The following DDX60L variants were observed in gnomAD, a reference collection of about 807,000 sequenced individuals.
DDX60L encodes DExD/H-box 60 like.
DDX60L carries 191 observed loss-of-function variants against 211.6 expected under a neutral mutation model. The ratio of observed to expected loss-of-function variants is 0.90; its 90% CI spans 0.80 to 1.02. The LOEUF (loss-of-function observed/expected upper bound fraction) is 1.02, where lower values mean the gene tolerates loss of function less well. DDX60L is among the 50% of genes least tolerant of loss of function. The pLI is 0.00. For synonymous variants in DDX60L, 706 were observed against 694.1 expected (o/e 1.02, Z -0.27); for missense variants, 2,007 against 1,984.1 (o/e 1.01, Z -0.22).
intron 27 of DDX60L, 107 bp downstream of exon 27, chr4:168,395,852 A>G (rs1745669276): frequency 1.3e-6 from 1 of 774,890 alleles, no homozygotes; most frequent in Non-Finnish European, 2.1e-6. Context: ...AGATAATCAT[A>G]TTTCAAAGGT....
At chr4:168,453,096 A>G (rs1179370209) in intron 8 of DDX60L, 28 bp downstream of exon 8, 15 of 1,590,636 alleles carry the variant, frequency 9.4e-6, no homozygotes, top group Non-Finnish European at 1.3e-5. Flanking sequence ...TCTCATGTTC[A>G]GACAAAAAAT....
At chr4:168,464,469 G>A (rs187985482) in intron 4 of DDX60L, among the ~76,000 whole-genome samples, 147 of 121,636 alleles carry the variant, frequency 1.2e-3, no homozygotes, top group Middle Eastern at 4.5e-3. Context: ...GTAGAAACAG[G>A]ATCTCACTTT....
chr4:168,472,790 A>G lies in DDX60L; in HGVS notation c.-91T>C. The G allele has an allele frequency of 1.4e-6, 2 of 1,432,324 alleles. No homozygotes were observed. Among genetic ancestry groups the G allele is most frequent in the Middle Eastern group, 1.8e-4 (1 of 5,580 alleles). 88.7% of individuals were successfully genotyped at this position (1,432,324 alleles called of 1,614,324 possible). A position where few individuals can be genotyped will look rare whatever the true frequency, so the allele number is the denominator to read the frequency against. The stretch of plus-strand genomic sequence containing the variant: ...ATTTTGACACCTCTAAAATGGCTAC[A>G]TTTGATGTGAATGGCACCTCTGTAA... On this transcript the variant is annotated 5_prime_UTR_variant, in exon 2 of 38. An upstream start codon of the reference 5' UTR is lost. Coordinates refer to ENST00000682922, the MANE Select transcript of DDX60L (RefSeq NM_001012967.3).
At chr4:168,451,512 A>T (rs1755797929) in intron 8 of DDX60L, among the ~76,000 whole-genome samples, 1 of 152,148 alleles carries the variant, frequency 6.6e-6, no homozygotes, top group African/African-American at 2.4e-5. Context: ...AAGCCTAAAG[A>T]ACTCTTGTAT....
chr4:168,377,291 CAAA>C (rs1402058727), intron 33 of DDX60L, among the ~76,000 whole-genome samples: 14 of 110,642 alleles, frequency 1.3e-4, no homozygotes, highest in Non-Finnish European at 2.1e-4. Context: ...GACTCTGTCT[CAAA>C]TAAATAAATA....
chr4:168,396,102 C>G lies in DDX60L; in HGVS notation c.3514G>C (p.Ala1172Pro), dbSNP rs979977422. The G allele has an allele frequency of 2.0e-5, 30 of 1,536,382 alleles. No individual in the cohort carries two copies. The highest frequency in any genetic ancestry group is 2.2e-4 in the Middle Eastern group (1 of 4,466). The change falls in exon 27 of 38, where the codon GCT (alanine) becomes CCT (proline). Residue 1172 changes from alanine to proline, a missense_variant. Ala to Pro is a conservative substitution (Grantham distance 27, BLOSUM62 -1). Transcript: ENST00000682922. ...KRITKKNPKK[A>P]EKLERKKVYR... ...ACTTTTTTTCTTTCCAGTTTTTCAGCCTTCTTTGGGTTTTTTTTAGTGCTA... is the reference window on the plus strand; with the variant it reads ...ACTTTTTTTCTTTCCAGTTTTTCAGGCTTCTTTGGGTTTTTTTTAGTGCTA...
intron 14 of DDX60L, among the ~76,000 whole-genome samples, chr4:168,425,635 G>A (rs2149903788): frequency 6.6e-6 from 1 of 152,238 alleles, no homozygotes; most frequent in East Asian, 1.9e-4. Flanking sequence ...GGTGGCAGGA[G>A]CCTGTAATCC....
chr4:168,406,046 C>G lies in DDX60L; in HGVS notation c.3117G>C (p.Lys1039Asn). 6.3e-7 allele frequency: 1 copy of G among 1,598,356 alleles called. No individual in the cohort carries two copies. Among genetic ancestry groups the G allele is most frequent in the Non-Finnish European group, 8.5e-7 (1 of 1,174,712 alleles). The part of the protein sequence containing the change: ...ELCPEEFILF[K>N]NKIVIKKLDA... ...CCAACTTCTTAATGACTATCTTATT[C>G]TTAAAAAGAATGAATTCCTCTGGAC... The change falls in exon 24 of 38, where the codon AAG becomes AAC. Residue 1039 changes from lysine to asparagine, a missense_variant. Transcript: ENST00000682922.
chr4:168,475,650 TA>T lies in DDX60L; in HGVS notation c.-110-2842del, dbSNP rs5863936. Among the ~76,000 whole-genome samples the T allele has an allele frequency of 3.8e-3, 561 of 147,752 alleles. 2 individuals carry two copies. Among genetic ancestry groups the T allele is most frequent in the African/African-American group, 0.013 (519 of 40,018 alleles). ...GTAGGAATGCTATTATTATCATTTATAAAAAAAAAAATAGGGAGCCCAGAAA... is the reference window on the plus strand; with the variant it reads ...GTAGGAATGCTATTATTATCATTTATAAAAAAAAAATAGGGAGCCCAGAAA... On this transcript the variant is annotated intron_variant, in intron 1 of 37. Coordinates refer to ENST00000682922, the MANE Select transcript of DDX60L (RefSeq NM_001012967.3).
chr4:168,432,949 T>C (rs2149951895), intron 11 of DDX60L, 61 bp downstream of exon 11: 3 of 1,022,684 alleles, frequency 2.9e-6, no homozygotes, highest in East Asian at 5.1e-5. Flanking sequence ...TGATGAGTCA[T>C]TCACTTCACT....
At chr4:168,359,862 C>T (rs774754752) in intron 37 of DDX60L, among the ~76,000 whole-genome samples, 19 of 152,154 alleles carry the variant, frequency 1.2e-4, no homozygotes, top group African/African-American at 3.1e-4. Flanking sequence ...CCATCATTAG[C>T]TTGGGGCCTA....
intron 26 of DDX60L, 103 bp downstream of exon 26, chr4:168,400,723 C>A: frequency 9.6e-7 from 1 of 1,041,656 alleles, no homozygotes. Context: ...GAAGCAATAA[C>A]AAGAACCTCT....
Position 168,415,783 on chromosome 4 carries a change from T to C in DDX60L, c.2743A>G (p.Lys915Glu), listed in dbSNP as rs1033519918. Residue 915 changes from lysine to glutamate, a missense_variant, in exon 21 of 38, where the codon AAA (lysine) becomes GAA (glutamate). Coordinates refer to ENST00000682922, the MANE Select transcript of DDX60L (RefSeq NM_001012967.3). ...NLLTKWLQSV[K>E]QYWKQADKIM... ...TTGTCTGCCTGTTTCCAGTACTGTTTTACTGATTGCAGCCACCTTACAGAA... is the reference window on the plus strand; with the variant it reads ...TTGTCTGCCTGTTTCCAGTACTGTTCTACTGATTGCAGCCACCTTACAGAA... 4.2e-5 allele frequency: 66 copies of C among 1,564,750 alleles called. No homozygotes were observed. The highest frequency in any genetic ancestry group is 5.6e-5 in the Non-Finnish European group (65 of 1,155,584).
At chr4:168,459,735 A>G (rs567489949) in intron 5 of DDX60L, among the ~76,000 whole-genome samples, 1 of 104,428 alleles carries the variant, frequency 9.6e-6, no homozygotes, top group East Asian at 3.4e-4. Flanking sequence ...CAGCCTAGGC[A>G]ATATATCAAG....
chr4:168,477,302 CT>C (rs1759687895), intron 1 of DDX60L, among the ~76,000 whole-genome samples: 2 of 151,920 alleles, frequency 1.3e-5, no homozygotes, highest in Non-Finnish European at 2.9e-5. Context: ...GTAGTCCCGG[CT>C]ACTCAGGAGG....
chr4:168,406,035 A>T lies in DDX60L; in HGVS notation c.3128T>A (p.Val1043Asp). 6.2e-7 allele frequency: 1 copy of T among 1,601,700 alleles called. No homozygotes were observed. Among genetic ancestry groups the T allele is most frequent in the Non-Finnish European group, 8.5e-7 (1 of 1,175,654 alleles). Residue 1043 changes from valine to aspartate, a missense_variant, in exon 24 of 38, where the codon GTC (valine) becomes GAC (aspartate). Transcript: ENST00000682922. The part of the protein sequence containing the change: ...EEFILFKNKI[V>D]IKKLDARKYE... ...TTTTCTAGCATCCAACTTCTTAATG[A>T]CTATCTTATTCTTAAAAAGAATGAA...
Position 168,461,934 on chromosome 4 carries a change from G to A in DDX60L, c.371C>T (p.Ser124Phe). ...NTNIDVQTEF[S>F]GCLSQDWKLF... ...CTTCCAATCTTGTGATAAGCATCCA[G>A]AAAACTCCGTTTGCACATCAATGTT... The change falls in exon 5 of 38, where the codon TCT becomes TTT. Residue 124 changes from serine (S) to phenylalanine (F), a missense_variant. Coordinates refer to ENST00000682922, the MANE Select transcript of DDX60L (RefSeq NM_001012967.3). The A allele has an allele frequency of 6.2e-7, 1 of 1,612,944 alleles. No individual in the cohort carries two copies. Among genetic ancestry groups the A allele is most frequent in the Non-Finnish European group, 8.5e-7 (1 of 1,179,394 alleles).
At chr4:168,478,189 CA>C (rs34467288) in intron 1 of DDX60L, among the ~76,000 whole-genome samples, 10 of 144,446 alleles carry the variant, frequency 6.9e-5, no homozygotes, top group South Asian at 2.2e-4. Flanking sequence ...AGTGATAGGA[CA>C]AAAAAAAAAG....
At chr4:168,389,381 A>C (rs570916827) in intron 29 of DDX60L, among the ~76,000 whole-genome samples, 2 of 152,228 alleles carry the variant, frequency 1.3e-5, no homozygotes, top group Non-Finnish European at 2.9e-5. Flanking sequence ...TTTTTCAATT[A>C]ATACAGGAAA....
Sources: allele counts gnomAD v4.1 joint callset (sites outside exome capture counted in the v4.1 genomes callset), GRCh38; gene constraint gnomAD v4.1.1; transcripts MANE v1.5; gene names NCBI Gene and HGNC (gene_info 2026-07-23, HGNC 2026-07-21).